Variants in FAM234A observed in about 807,000 individuals in gnomAD.
FAM234A encodes the protein family with sequence similarity 234 member A.
A neutral mutation model predicts 49.1 loss-of-function variants in FAM234A; 42 were observed. The observed-to-expected ratio is 0.86, with a 90% CI of 0.67 to 1.11. FAM234A has a LOEUF of 1.11. FAM234A is among the 50% of genes least tolerant of loss of function. FAM234A has a pLI of 0.00. For missense variants in FAM234A, 815 were observed against 745.2 expected, an observed-to-expected ratio of 1.09 and a Z score of -1.09; for synonymous variants, 369 against 316.2, an observed-to-expected ratio of 1.17 and a Z score of -1.77.
chr16:269,191 G>A (rs79822720), downstream of FAM234A: 2,509 of 1,153,256 alleles, frequency 2.2e-3, 34 homozygotes, highest in African/African-American at 0.034. Flanking sequence ...CCAGGACCTG[G>A]GCCAAGACGG....
At position 264,107 on chromosome 16, in the gene FAM234A, C is replaced by T. The variant is rs1470975119; in HGVS notation, c.1280C>T (p.Thr427Ile). The T allele has an allele frequency of 6.2e-7, 1 of 1,611,600 alleles. No homozygotes were observed. Among genetic ancestry groups the T allele is most frequent in the Non-Finnish European group, 8.5e-7 (1 of 1,179,908 alleles). The change falls in exon 11 of 13, where the codon ACC becomes ATC. Residue 427 changes from threonine to isoleucine, a missense_variant. Physicochemically the swap from Thr to Ile is moderately conservative, Grantham distance 89. Coordinates refer to ENST00000399932, the MANE Select transcript of FAM234A (RefSeq NM_032039.4). Reference protein sequence around the residue: ...PGGPLSASLPTADHRSAFFFW... With the variant: ...PGGPLSASLPIADHRSAFFFW... ...GGTCCACTGTCCGCCAGCCTGCCGA[C>T]CGCAGACCACCGCTCAGCCTTCTTC...
intron 2 of FAM234A, among the ~76,000 whole-genome samples, chr16:253,400 A>T (rs8062213): frequency 0.19 from 28,663 of 152,058 alleles, 2,926 homozygotes; most frequent in East Asian, 0.32. Flanking sequence ...ATCCATGAAC[A>T]TATTTTATTA....
At chr16:261,321 G>T in intron 5 of FAM234A, 63 bp from the exon 6 acceptor site, 2 of 1,571,642 alleles carry the variant, frequency 1.3e-6, no homozygotes, top group Non-Finnish European at 1.7e-6. Flanking sequence ...AGGCCTTGCA[G>T]TTGCCGGGCT....
intron 1 of FAM234A, among the ~76,000 whole-genome samples, chr16:237,065 TTATG>T (rs1028094049): frequency 5.4e-4 from 78 of 145,546 alleles, no homozygotes; most frequent in Non-Finnish European, 1.2e-4. Flanking sequence ...GTTTATTTAT[TTATG>T]TATTTTTTTA....
At chr16:267,808 C>T (rs1399536474), downstream of FAM234A, among the ~76,000 whole-genome samples, 2 of 147,446 alleles carry the variant, frequency 1.4e-5, no homozygotes, top group Non-Finnish European at 3.0e-5. Context: ...ACCACACGTG[C>T]ACTACACACA....
At chr16:239,671 T>A (rs1298719133) in intron 1 of FAM234A, among the ~76,000 whole-genome samples, 1 of 151,900 alleles carries the variant, frequency 6.6e-6, no homozygotes, top group South Asian at 2.1e-4. Context: ...GAAATCTGCC[T>A]TGGAATTCAG....
chr16:269,549 T>C (rs531692764), downstream of FAM234A: 12 of 1,613,470 alleles, frequency 7.4e-6, no homozygotes, highest in South Asian at 4.4e-5. Context: ...AGGAGGGCCT[T>C]GTACATGTCA....
downstream of FAM234A, chr16:269,599 C>T (rs756250330): frequency 1.6e-5 from 25 of 1,602,342 alleles, no homozygotes; most frequent in Admixed American, 3.3e-5. Flanking sequence ...CAAGAGACAG[C>T]GTCCAGCCCC....
chr16:254,699 C>T lies in FAM234A; in HGVS notation c.268+18C>T, dbSNP rs745711095. On this transcript the variant is annotated intron_variant, in intron 3 of 12. Coordinates refer to ENST00000399932, the MANE Select transcript of FAM234A (RefSeq NM_032039.4). Reference sequence around the variant, plus strand: ...TGCCGCTGGTGAGCCTCGGCTTCCCCGCCCAGTGGGGTCCAAAGCAGCTCT... The same window carrying T: ...TGCCGCTGGTGAGCCTCGGCTTCCCTGCCCAGTGGGGTCCAAAGCAGCTCT... The T allele has an allele frequency of 2.6e-5, 42 of 1,611,384 alleles. No homozygotes were observed. The highest frequency in any genetic ancestry group is 1.9e-4 in the Middle Eastern group (1 of 5,300).
chr16:262,219 C>G lies in FAM234A; in HGVS notation c.835C>G (p.Pro279Ala), dbSNP rs370881261. 14 of 1,613,924 alleles carry G rather than the reference C, an allele frequency of 8.7e-6. No individual in the cohort carries two copies. In the African/African-American group the frequency reaches 1.7e-4, roughly 20 times the overall value. Residue 279 changes from proline to alanine, a missense_variant, in exon 7 of 13, where the codon CCC becomes GCC. Coordinates refer to ENST00000399932, the MANE Select transcript of FAM234A (RefSeq NM_032039.4). ...TRTGAHYILF[P>A]CASSLCGCSV... ...GACAGGTGCCCACTACATCCTCTTT[C>G]CCTGCGGTACGTTGTTTCTGCCACA... is the stretch of plus-strand genomic sequence containing the variant.
intron 1 of FAM234A, among the ~76,000 whole-genome samples, chr16:241,689 G>A (rs1359573369): frequency 2.6e-5 from 4 of 151,974 alleles, no homozygotes; most frequent in South Asian, 4.1e-4. Context: ...AGGCCGAGGC[G>A]GGCGGATCAC....
Position 263,367 on chromosome 16 carries a change from G to A in FAM234A, c.1077G>A (p.Thr359=), listed in dbSNP as rs368314150. 42 of 1,611,954 alleles carry A rather than the reference G, an allele frequency of 2.6e-5. No individual in the cohort carries two copies. Among genetic ancestry groups the A allele is most frequent in the Middle Eastern group, 1.6e-4 (1 of 6,062 alleles). ...TGCTGCTGGACGGGCAGGAGCTGAC[G>A]CCTCGCTGGACACCCAAGGCAGCCC... is the stretch of plus-strand genomic sequence containing the variant. The part of the protein sequence containing the change: ...AFVLLDGQEL[T]PRWTPKAAHV... Residue 359 remains threonine, a synonymous_variant, in exon 9 of 13, where the codon ACG becomes ACA. Coordinates refer to ENST00000399932, the MANE Select transcript of FAM234A (RefSeq NM_032039.4).
At chr16:253,105 G>C (rs2051085842) in intron 2 of FAM234A, among the ~76,000 whole-genome samples, 1 of 152,218 alleles carries the variant, frequency 6.6e-6, no homozygotes, top group Admixed American at 6.5e-5. Flanking sequence ...GCTCAGGCTG[G>C]GTGGTGGTGG....
chr16:262,483 G>A lies in FAM234A; in HGVS notation c.901G>A (p.Gly301Ser), dbSNP rs536452592. Residue 301 changes from glycine to serine, a missense_variant, in exon 8 of 13, where the codon GGC (glycine) becomes AGC (serine). Transcript: ENST00000399932. ...GLYEKVTGSG[G>S]PFKSDPHWES... ...CTACGAGAAGGTGACCGGGAGCGGC[G>A]GCCCGTTCAAGAGTGACCCGCACTG... The A allele has an allele frequency of 2.4e-5, 39 of 1,612,204 alleles. No homozygotes were observed. The highest frequency in any genetic ancestry group is 3.1e-5 in the Non-Finnish European group (36 of 1,179,296).
rs2051491155 is a variant in FAM234A at position 262,115 on chromosome 16, G to A, written c.731G>A (p.Gly244Asp). Residue 244 changes from glycine to aspartate, a missense_variant, in exon 7 of 13, where the codon GGC (glycine) becomes GAC (aspartate). Gly to Asp is a moderately conservative substitution (Grantham distance 94, BLOSUM62 -1). Transcript: ENST00000399932. ...CAGGTTAGTGGCCACCTCTACTCCG[G>A]CAGCACCGGGCACCAGATTGGCCTC... is the stretch of plus-strand genomic sequence containing the variant. ...REEVSGHLYS[G>D]STGHQIGLRG... 1.2e-6 allele frequency: 2 copies of A among 1,614,024 alleles called. No individual in the cohort carries two copies. Among genetic ancestry groups the A allele is most frequent in the Non-Finnish European group, 1.7e-6 (2 of 1,180,016 alleles).
downstream of FAM234A, chr16:269,476 C>T (rs773862587): frequency 1.8e-5 from 29 of 1,608,706 alleles, no homozygotes; most frequent in African/African-American, 5.3e-5. Flanking sequence ...CCACAGCCGC[C>T]GGCCACAGGG....
intron 3 of FAM234A, among the ~76,000 whole-genome samples, chr16:257,286 C>G (rs1391682770): frequency 7.2e-6 from 1 of 139,402 alleles, no homozygotes; most frequent in Non-Finnish European, 1.5e-5. Context: ...CTCTGTCATC[C>G]AGGCTGGAGA....
chr16:247,836 T>G (rs2141232601), intron 1 of FAM234A, among the ~76,000 whole-genome samples: 1 of 152,194 alleles, frequency 6.6e-6, no homozygotes, highest in South Asian at 2.1e-4. Flanking sequence ...TAGAAACCTG[T>G]GTTTGTCAGT....
chr16:249,239 G>A (rs1435176391), intron 1 of FAM234A, among the ~76,000 whole-genome samples: 2 of 151,938 alleles, frequency 1.3e-5, no homozygotes, highest in East Asian at 3.9e-4. Flanking sequence ...GTCAGGAGAT[G>A]TCTGGCCATC....
Sources: gnomAD v4.1 joint callset for allele counts (sites outside exome capture counted in the v4.1 genomes callset) on GRCh38, gnomAD v4.1.1 for gene constraint, MANE v1.5 for transcripts, NCBI Gene and HGNC (gene_info 2026-07-23, HGNC 2026-07-21) for gene names.